DGKI: variants seen among roughly 807,000 people sequenced by gnomAD.
DGKI encodes the protein diacylglycerol kinase iota.
Under a neutral mutation model 147.5 loss-of-function variants are expected in DGKI, and 55 were observed. The observed-to-expected ratio is 0.37, with a 90% CI of 0.30 to 0.47. DGKI has a LOEUF of 0.47. DGKI is among the 20% of genes least tolerant of loss of function. The pLI is 1.00. For synonymous variants in DGKI, 469 were observed against 477.1 expected, an observed-to-expected ratio of 0.98 and a Z score of 0.22; for missense variants, 1,007 against 1,323.8, an observed-to-expected ratio of 0.76 and a Z score of 3.71.
In DGKI at chr7:137,508,548, T is replaced by C. The variant is rs543526910; in HGVS notation, c.2248+13318A>G. On this transcript the variant is annotated intron_variant, in intron 21 of 32. Coordinates refer to ENST00000614521, the MANE Select transcript of DGKI (RefSeq NM_001321708.2). Reference sequence around the variant, plus strand: ...GCCGACAGGTTTCTTCTTGATTATATGGCTCTGAACACTTGTTTCTTAGAG... The same window carrying C: ...GCCGACAGGTTTCTTCTTGATTATACGGCTCTGAACACTTGTTTCTTAGAG... Among the ~76,000 whole-genome samples the C allele has an allele frequency of 2.6e-5, 4 of 152,130 alleles. No homozygotes were observed. The South Asian group carries it at 8.3e-4, about 31-fold the overall frequency.
At chr7:137,658,171 A>G (rs1822290823) in intron 3 of DGKI, among the ~76,000 whole-genome samples, 2 of 152,226 alleles carry the variant, frequency 1.3e-5, no homozygotes, top group African/African-American at 4.8e-5. Context: ...AAAGAAAAGA[A>G]GAAGAGAAAA....
intron 23 of DGKI, among the ~76,000 whole-genome samples, chr7:137,475,488 T>A (rs1585151428): frequency 6.6e-6 from 1 of 152,368 alleles, no homozygotes; most frequent in South Asian, 2.1e-4. Flanking sequence ...AGTAACTGCC[T>A]ACTTGCTATT....
At chr7:137,616,371 A>G (rs1351862361) in intron 8 of DGKI, among the ~76,000 whole-genome samples, 1 of 152,202 alleles carries the variant, frequency 6.6e-6, no homozygotes, top group Admixed American at 6.5e-5. Context: ...TTATTACTAC[A>G]TTGTCCTGAA....
Position 137,391,139 on chromosome 7 carries a change from C to T in DGKI, c.*81G>A, listed in dbSNP as rs1811346331. The T allele has an allele frequency of 9.5e-7, 1 of 1,054,314 alleles. No individual in the cohort carries two copies. Among genetic ancestry groups the T allele is most frequent in the Admixed American group, 1.7e-5 (1 of 58,976 alleles). The allele number at this position is 1,054,314 out of a possible 1,614,324, so 65.3% of individuals were successfully genotyped here. A position where few individuals can be genotyped will look rare whatever the true frequency, so the allele number is the denominator to read the frequency against. The stretch of plus-strand genomic sequence containing the variant: ...GAGACAGATATATGAATTCCATCAG[C>T]TTCTTCCAGGGGAGCTGCCCAATTG... On this transcript the variant is annotated 3_prime_UTR_variant, in exon 33 of 33. Coordinates refer to ENST00000614521, the MANE Select transcript of DGKI (RefSeq NM_001321708.2).
chr7:137,487,125 GA>G (rs545526135), intron 22 of DGKI, among the ~76,000 whole-genome samples: 5 of 150,194 alleles, frequency 3.3e-5, no homozygotes, highest in South Asian at 2.1e-4. Flanking sequence ...ACTAGATTGA[GA>G]AAAAAAAATA....
chr7:137,796,917 A>G (rs1017536829), intron 1 of DGKI, among the ~76,000 whole-genome samples: 1 of 152,234 alleles, frequency 6.6e-6, no homozygotes, highest in Non-Finnish European at 1.5e-5. Flanking sequence ...AAGTCTGAAA[A>G]TATCCTAAAT....
intron 19 of DGKI, among the ~76,000 whole-genome samples, chr7:137,552,990 C>G (rs1818102419): frequency 6.6e-6 from 1 of 152,112 alleles, no homozygotes; most frequent in Non-Finnish European, 1.5e-5. Context: ...GATAAACATA[C>G]TAAAATTAGT....
chr7:137,521,230 C>T (rs1816949633), intron 21 of DGKI, among the ~76,000 whole-genome samples: 2 of 151,966 alleles, frequency 1.3e-5, no homozygotes, highest in African/African-American at 4.8e-5. Context: ...TAAAAAGTGT[C>T]CAATACATAC....
intron 17 of DGKI, among the ~76,000 whole-genome samples, chr7:137,575,613 G>T (rs1818944605): frequency 6.6e-6 from 1 of 152,208 alleles, no homozygotes; most frequent in African/African-American, 2.4e-5. Context: ...TGAAGAAACA[G>T]GGGAAGTTTA....
intron 4 of DGKI, 40 bp downstream of exon 4, chr7:137,656,426 T>G (rs771172478): frequency 6.2e-7 from 1 of 1,608,978 alleles, no homozygotes; most frequent in Middle Eastern, 1.7e-4. Context: ...GACCAAATAC[T>G]TGCAATGTAA....
intron 22 of DGKI, 64 bp downstream of exon 22, chr7:137,487,546 G>A (rs963888164): frequency 1.5e-6 from 2 of 1,365,080 alleles, no homozygotes; most frequent in African/African-American, 2.9e-5. Context: ...AAATATATAT[G>A]GCTGGTAATT....
chr7:137,782,081 A>C (rs1393924335), intron 1 of DGKI, among the ~76,000 whole-genome samples: 1 of 152,304 alleles, frequency 6.6e-6, no homozygotes, highest in South Asian at 2.1e-4. Context: ...AGAAAAGCTG[A>C]GAAAATCCAC....
Position 137,571,802 on chromosome 7 carries a change from T to C in DGKI, c.1836-516A>G, listed in dbSNP as rs549232143. ...AAAGAGAATGGGAAACAGAAGAAAT[T>C]GGAGAAATAGAGGAAGAAGAATACA... On this transcript the variant is annotated intron_variant, in intron 18 of 32. Coordinates refer to ENST00000614521, the MANE Select transcript of DGKI (RefSeq NM_001321708.2). Among the ~76,000 whole-genome samples, 23 of 150,810 alleles carry C rather than the reference T, an allele frequency of 1.5e-4. No individual in the cohort carries two copies. In the South Asian group the frequency reaches 4.8e-3, roughly 32 times the overall value.
intron 16 of DGKI, 106 bp downstream of exon 16, chr7:137,578,164 A>G: frequency 1.4e-6 from 1 of 727,138 alleles, no homozygotes; most frequent in Non-Finnish European, 2.4e-6. Context: ...ACATATATAA[A>G]TGAGATGTAT....
At chr7:137,409,379 A>G (rs1010534338) in intron 29 of DGKI, among the ~76,000 whole-genome samples, 1 of 152,194 alleles carries the variant, frequency 6.6e-6, no homozygotes, top group African/African-American at 2.4e-5. Flanking sequence ...CTCACAGCCC[A>G]TGGTGGAGAC....
chr7:137,546,088 G>A (rs977392313), intron 20 of DGKI: 14 of 553,860 alleles, frequency 2.5e-5, no homozygotes, highest in African/African-American at 1.9e-4. Context: ...GCGCATCACC[G>A]AACAGCGAAG....
At chr7:137,535,112 T>G (rs775500997) in intron 20 of DGKI, among the ~76,000 whole-genome samples, 3 of 152,144 alleles carry the variant, frequency 2.0e-5, no homozygotes, top group Non-Finnish European at 2.9e-5. Flanking sequence ...AGCCACCCAC[T>G]CTGTGGTACT....
intron 23 of DGKI, among the ~76,000 whole-genome samples, chr7:137,481,478 T>A (rs1431994241): frequency 1.3e-5 from 2 of 152,126 alleles, no homozygotes; most frequent in African/African-American, 4.8e-5. Flanking sequence ...TTGTAAAACA[T>A]ATTAGTTACA....
intron 1 of DGKI, among the ~76,000 whole-genome samples, chr7:137,842,175 G>C (rs1358233521): frequency 2.0e-5 from 3 of 152,152 alleles, no homozygotes; most frequent in African/African-American, 7.2e-5. Context: ...ATTTACAAAA[G>C]AGGATACATA....
Sources: gnomAD v4.1 joint callset for allele counts (sites outside exome capture counted in the v4.1 genomes callset) on GRCh38, gnomAD v4.1.1 for gene constraint, MANE v1.5 for transcripts, NCBI Gene and HGNC (gene_info 2026-07-23, HGNC 2026-07-21) for gene names.